Variants in STXBP5L observed in about 807,000 individuals in gnomAD.
STXBP5L encodes syntaxin-binding protein 5-like.
In STXBP5L, 65 loss-of-function variants were observed where a neutral mutation model predicts 144.5. The ratio of observed to expected loss-of-function variants is 0.45; its 90% CI spans 0.37 to 0.55. STXBP5L has a LOEUF of 0.55. STXBP5L is among the 20% of genes least tolerant of loss of function. The probability of loss-of-function intolerance (pLI) is 0.00; values close to 1 mark genes in which losing one functional copy is unlikely to be tolerated. For missense variants in STXBP5L, 1,298 were observed against 1,405.5 expected (o/e 0.92, Z 1.22); for synonymous variants, 505 against 469.6 (o/e 1.08, Z -0.97).
At chr3:121,413,364 G>T in intron 24 of STXBP5L, 41 bp downstream of exon 24, 1 of 1,460,938 alleles carries the variant, frequency 6.8e-7, no homozygotes, top group Non-Finnish European at 9.1e-7. Flanking sequence ...CATTGGACAT[G>T]GTTGAGAGAA....
chr3:121,336,187 A>C (rs1321058602), intron 20 of STXBP5L, among the ~76,000 whole-genome samples: 1 of 152,228 alleles, frequency 6.6e-6, no homozygotes, highest in Non-Finnish European at 1.5e-5. Context: ...TGGTTATTAG[A>C]GAAATGCAAA....
At chr3:121,305,042 C>G (rs1559955871) in intron 19 of STXBP5L, among the ~76,000 whole-genome samples, 2 of 152,074 alleles carry the variant, frequency 1.3e-5, no homozygotes, top group African/African-American at 2.4e-5. Context: ...ATTATTAACT[C>G]TATTCCCAGA....
chr3:121,308,831 T>C (rs1370442876), intron 19 of STXBP5L, among the ~76,000 whole-genome samples: 1 of 152,132 alleles, frequency 6.6e-6, no homozygotes, highest in Non-Finnish European at 1.5e-5. Flanking sequence ...GTAAAATATA[T>C]AGATTTAATT....
intron 5 of STXBP5L, among the ~76,000 whole-genome samples, chr3:121,053,290 C>G (rs915066174): frequency 6.6e-6 from 1 of 152,160 alleles, no homozygotes; most frequent in Non-Finnish European, 1.5e-5. Context: ...CCAAGTCAAT[C>G]CTAAGCCAAA....
chr3:121,351,272 C>A (rs568686606), intron 20 of STXBP5L, among the ~76,000 whole-genome samples: 1 of 152,186 alleles, frequency 6.6e-6, no homozygotes, highest in East Asian at 1.9e-4. Context: ...TGCAGAACAG[C>A]GGATATTGGT....
chr3:120,985,111 T>G (rs1352430001), intron 3 of STXBP5L, among the ~76,000 whole-genome samples: 1 of 152,136 alleles, frequency 6.6e-6, no homozygotes, highest in East Asian at 1.9e-4. Flanking sequence ...GATATTGTTT[T>G]GTAGCTTTTT....
At position 120,942,116 on chromosome 3, in the gene STXBP5L, C is replaced by T. The variant is rs116331913; in HGVS notation, c.190-12824C>T. On this transcript the variant is annotated intron_variant, in intron 2 of 26. Transcript: ENST00000471454. ...ACATTTAGGACCTCATTCGTTTAAT[C>T]GCTGTGTATAAATAATTTTATGACT... is the stretch of plus-strand genomic sequence containing the variant. Among the ~76,000 whole-genome samples the T allele has an allele frequency of 1.4e-3, 219 of 151,698 alleles. 1 individual carries two copies. The highest frequency in any genetic ancestry group is 4.9e-3 in the African/African-American group (205 of 41,510).
intron 5 of STXBP5L, among the ~76,000 whole-genome samples, chr3:121,055,282 C>G (rs1948373591): frequency 6.6e-6 from 1 of 152,030 alleles, no homozygotes; most frequent in African/African-American, 2.4e-5. Flanking sequence ...AGAATTTAAC[C>G]AAGCATCTTT....
chr3:121,118,268 T>C (rs900439365), intron 6 of STXBP5L, among the ~76,000 whole-genome samples: 1 of 151,726 alleles, frequency 6.6e-6, no homozygotes, highest in African/African-American at 2.4e-5. Context: ...TATTATAATA[T>C]AGACATGGGA....
chr3:121,314,927 A>G (rs2043727146), intron 19 of STXBP5L, among the ~76,000 whole-genome samples: 1 of 152,190 alleles, frequency 6.6e-6, no homozygotes, highest in Admixed American at 6.5e-5. Context: ...AATCAAAACC[A>G]CAATGAGATA....
chr3:121,044,186 A>G lies in STXBP5L; in HGVS notation c.370-1249A>G, dbSNP rs78875022. 5.0e-3 allele frequency among the ~76,000 whole-genome samples: 766 copies of G among 152,288 alleles called. 8 individuals carry two copies. Among genetic ancestry groups the G allele is most frequent in the African/African-American group, 0.017 (721 of 41,574 alleles). On this transcript the variant is annotated intron_variant, in intron 4 of 26. Coordinates refer to ENST00000471454, the MANE Select transcript of STXBP5L (RefSeq NM_001308330.2). Reference sequence around the variant, plus strand: ...TGAACATGTATGTATGTAATTAGATATAAATGTGCAAATCATACAAATTTC... The same window carrying G: ...TGAACATGTATGTATGTAATTAGATGTAAATGTGCAAATCATACAAATTTC...
intron 6 of STXBP5L, among the ~76,000 whole-genome samples, chr3:121,121,092 G>T (rs1284791636): frequency 6.6e-6 from 1 of 151,190 alleles, no homozygotes; most frequent in Non-Finnish European, 1.5e-5. Flanking sequence ...GATAAGTGTG[G>T]TATAACCAAT....
At chr3:120,982,990 G>GT (rs1368133449) in intron 3 of STXBP5L, among the ~76,000 whole-genome samples, 1 of 152,212 alleles carries the variant, frequency 6.6e-6, no homozygotes, top group Non-Finnish European at 1.5e-5. Context: ...TGGCTGTGCT[G>GT]TGGACCTGCC....
chr3:121,195,945 C>T (rs1341497288), intron 9 of STXBP5L, among the ~76,000 whole-genome samples: 1 of 152,176 alleles, frequency 6.6e-6, no homozygotes, highest in African/African-American at 2.4e-5. Context: ...TTCAGTCCCA[C>T]TTAACTTTGT....
chr3:121,171,873 A>T (rs2046732349), intron 9 of STXBP5L, among the ~76,000 whole-genome samples: 2 of 152,202 alleles, frequency 1.3e-5, no homozygotes, highest in African/African-American at 2.4e-5. Flanking sequence ...TATGGAAGCA[A>T]AAAAGAGCCT....
intron 5 of STXBP5L, among the ~76,000 whole-genome samples, chr3:121,111,973 G>A (rs541867757): frequency 2.0e-5 from 3 of 152,294 alleles, no homozygotes; most frequent in South Asian, 2.1e-4. Flanking sequence ...GAGGAGGAAT[G>A]GGTCAGGGTC....
chr3:121,420,777 CA>C lies in STXBP5L; in HGVS notation c.*1686del, dbSNP rs139271391. On this transcript the variant is annotated 3_prime_UTR_variant, in exon 27 of 27. Transcript: ENST00000471454. ...CTGGATTTCAGGTTATTTTATTAGC[CA>C]AAAAATCGTATTTTTATTTCCTTTT... The C allele has an allele frequency of 6.6e-6, 1 of 151,904 alleles. No individual in the cohort carries two copies. The allele number at this position is 151,904 out of a possible 1,614,324, so 9.4% of individuals were successfully genotyped here.
At chr3:121,025,232 G>A (rs1945844724) in intron 3 of STXBP5L, among the ~76,000 whole-genome samples, 1 of 152,086 alleles carries the variant, frequency 6.6e-6, no homozygotes, top group Non-Finnish European at 1.5e-5. Flanking sequence ...AGTAGGAAAT[G>A]CTTCCCTATC....
intron 3 of STXBP5L, among the ~76,000 whole-genome samples, chr3:120,977,668 T>C (rs1941233522): frequency 6.6e-6 from 1 of 152,214 alleles, no homozygotes; most frequent in Non-Finnish European, 1.5e-5. Context: ...GGCATGATTT[T>C]GCAGTGGCTG....
Sources: allele counts gnomAD v4.1 joint callset (sites outside exome capture counted in the v4.1 genomes callset), GRCh38; gene constraint gnomAD v4.1.1; transcripts MANE v1.5; gene names NCBI Gene and HGNC (gene_info 2026-07-23, HGNC 2026-07-21).